LEMD1: variants seen among roughly 807,000 people sequenced by gnomAD.
The protein encoded by LEMD1 is LEM domain containing 1.
A neutral mutation model predicts 17.4 loss-of-function variants in LEMD1; 18 were observed. That is an observed-to-expected ratio of 1.04 (90% CI 0.72 to 1.54). The LOEUF (loss-of-function observed/expected upper bound fraction) is 1.54, where lower values mean the gene tolerates loss of function less well. Ranked by LOEUF, LEMD1 falls within the 40% of genes most tolerant of loss-of-function variation. LEMD1 has a pLI of 0.00. For synonymous variants in LEMD1, 88 were observed against 77.8 expected, an observed-to-expected ratio of 1.13 and a Z score of -0.69; for missense variants, 195 against 210.4, an observed-to-expected ratio of 0.93 and a Z score of 0.45.
intron 4 of LEMD1, among the ~76,000 whole-genome samples, chr1:205,414,484 G>C (rs1275045227): frequency 6.6e-6 from 1 of 151,854 alleles, no homozygotes; most frequent in Non-Finnish European, 1.5e-5. Flanking sequence ...GAGTGTAGTG[G>C]TGTGATCATG....
At chr1:205,409,338 T>A (rs1665275282) in intron 4 of LEMD1, among the ~76,000 whole-genome samples, 1 of 152,240 alleles carries the variant, frequency 6.6e-6, no homozygotes, top group Admixed American at 6.5e-5. Context: ...TATGTTGTGT[T>A]GTACTACAGG....
intron 1 of LEMD1, among the ~76,000 whole-genome samples, chr1:205,443,030 A>C (rs1398361859): frequency 6.6e-6 from 1 of 152,184 alleles, no homozygotes; most frequent in African/African-American, 2.4e-5. Flanking sequence ...CTGGAATCCT[A>C]ACTTGATCCG....
intron 1 of LEMD1, among the ~76,000 whole-genome samples, chr1:205,430,989 C>T (rs1170390152): frequency 6.6e-6 from 1 of 152,200 alleles, no homozygotes; most frequent in Non-Finnish European, 1.5e-5. Flanking sequence ...GATGGGAGAG[C>T]GCCGTCTGCA....
intron 1 of LEMD1, among the ~76,000 whole-genome samples, chr1:205,431,189 CTAATT>C (rs1666121346): frequency 1.3e-5 from 2 of 152,326 alleles, no homozygotes; most frequent in Middle Eastern, 3.4e-3. Flanking sequence ...CACAAGTGAA[CTAATT>C]TAATCATTCC....
chr1:205,437,849 C>G (rs1160715134), intron 1 of LEMD1: 1 of 152,232 alleles, frequency 6.6e-6, no homozygotes, highest in African/African-American at 2.4e-5. Context: ...GCCAGGAGAC[C>G]TGGCTCCCAG....
At position 205,444,395 on chromosome 1, in the gene LEMD1, G is replaced by C. The variant is rs529815954; in HGVS notation, c.-39+5473C>G. ...ATGCCCTGCCCAGCCAGCTTTGTGG[G>C]AGCCAAGCAGAAGAGATGCCAATCC... On this transcript the variant is annotated intron_variant, in intron 1 of 3. Transcript: ENST00000367154. Among the ~76,000 whole-genome samples, 3 of 152,088 alleles carry C rather than the reference G, an allele frequency of 2.0e-5. No homozygotes were observed. The South Asian group carries it at 6.2e-4, about 32-fold the overall frequency.
chr1:205,423,661 T>C (rs1036373882), upstream of LEMD1, among the ~76,000 whole-genome samples: 26 of 152,248 alleles, frequency 1.7e-4, no homozygotes, highest in African/African-American at 5.5e-4. Context: ...TATGATTCTA[T>C]TGTCAGCATT....
chr1:205,419,247 T>C lies in LEMD1; in HGVS notation c.188A>G (p.Asp63Gly). The change falls in exon 3 of 6, where the codon GAC (aspartate) becomes GGC (glycine). Residue 63 changes from aspartate (D) to glycine (G), a missense_variant. By Grantham distance (94) the Asp-to-Gly change is moderately conservative. Transcript: ENST00000367153. ...GGCGGTACCTTCGCTGTCATCACTG[T>C]CCTGCGCTCCATCCAGCTCTCTGGG... Reference protein sequence around the residue: ...NGPRELDGAQDSDDSEELNII... With the variant: ...NGPRELDGAQGSDDSEELNII... The C allele has an allele frequency of 6.2e-7, 1 of 1,614,224 alleles. No individual in the cohort carries two copies. The highest frequency in any genetic ancestry group is 8.5e-7 in the Non-Finnish European group (1 of 1,180,026).
chr1:205,433,674 C>T (rs1666161577), intron 1 of LEMD1, among the ~76,000 whole-genome samples: 1 of 152,168 alleles, frequency 6.6e-6, no homozygotes, highest in Non-Finnish European at 1.5e-5. Flanking sequence ...CTGGGGCAGG[C>T]ATCTTGGCGG....
intron 2 of LEMD1, among the ~76,000 whole-genome samples, chr1:205,420,244 G>T (rs1437594899): frequency 3.3e-5 from 5 of 152,160 alleles, no homozygotes; most frequent in African/African-American, 1.2e-4. Context: ...CTTGAATCTG[G>T]GAGGCAGAGG....
At chr1:205,384,554 A>G (rs1226318550) in intron 4 of LEMD1, among the ~76,000 whole-genome samples, 190 bp from the exon 5 acceptor site, 1 of 152,210 alleles carries the variant, frequency 6.6e-6, no homozygotes, top group Non-Finnish European at 1.5e-5. Flanking sequence ...AGTTCCATGG[A>G]GTAATATTTT....
upstream of LEMD1, among the ~76,000 whole-genome samples, chr1:205,422,456 G>C (rs1665990023): frequency 6.6e-6 from 1 of 152,160 alleles, no homozygotes; most frequent in Non-Finnish European, 1.5e-5. Flanking sequence ...ATTTGTTAAG[G>C]ATTATTCAAT....
At chr1:205,397,013 A>G (rs1664620745) in intron 4 of LEMD1, among the ~76,000 whole-genome samples, 1 of 152,180 alleles carries the variant, frequency 6.6e-6, no homozygotes, top group Non-Finnish European at 1.5e-5. Flanking sequence ...CCAGCTACCA[A>G]TCTGCATATG....
At chr1:205,386,428 C>G (rs541516122) in intron 4 of LEMD1, 1 of 152,116 alleles carries the variant, frequency 6.6e-6, no homozygotes, top group African/African-American at 2.4e-5. Context: ...CTCAGCCTCT[C>G]GAGTAGCTGG....
chr1:205,420,506 TAC>T lies in LEMD1; in HGVS notation c.29_30del (p.Cys10Ter). On this transcript the variant is annotated frameshift_variant, in exon 2 of 6. Coordinates refer to ENST00000367153, the MANE Select transcript of LEMD1 (RefSeq NM_001199050.2). LOFTEE classifies it high-confidence loss of function. MVDVKCLSD[C>X]KLQNQLEKLG... ...AGCTTCTCAAGTTGGTTCTGCAATT[TAC>T]AGTCACTCAGACACTTCACATCCAC... The T allele has an allele frequency of 6.2e-7, 1 of 1,614,128 alleles. No homozygotes were observed. The highest frequency in any genetic ancestry group is 8.5e-7 in the Non-Finnish European group (1 of 1,179,972).
rs183594571 is a variant in LEMD1, at chr1:205,427,673, A to G, written c.-38-7099T>C. Among the ~76,000 whole-genome samples the G allele has an allele frequency of 7.8e-4, 119 of 152,312 alleles. 1 individual carries two copies. The highest frequency in any genetic ancestry group is 3.9e-3 in the South Asian group (19 of 4,826). The stretch of plus-strand genomic sequence containing the variant: ...TAGAATCCAGGAGTGTTGAATTCCC[A>G]TGGCTTAAAGGAGACTCTGTACCAG... On this transcript the variant is annotated intron_variant, in intron 1 of 3. Transcript: ENST00000367154.
At chr1:205,446,814 T>C (rs1010784940) in intron 1 of LEMD1, among the ~76,000 whole-genome samples, 3 of 152,154 alleles carry the variant, frequency 2.0e-5, no homozygotes, top group Non-Finnish European at 4.4e-5. Context: ...CCAATTCTCA[T>C]GCCTTGTTCC....
At chr1:205,442,779 C>A (rs1393456634) in intron 1 of LEMD1, among the ~76,000 whole-genome samples, 3 of 152,174 alleles carry the variant, frequency 2.0e-5, no homozygotes, top group Non-Finnish European at 4.4e-5. Flanking sequence ...AGCCAAGACA[C>A]AACTACTATA....
chr1:205,405,247 C>G (rs1199229421), intron 4 of LEMD1, among the ~76,000 whole-genome samples: 1 of 148,714 alleles, frequency 6.7e-6, no homozygotes, highest in South Asian at 2.1e-4. Context: ...TGAATGTTGG[C>G]CTGCCTTGCT....
Sources: allele counts gnomAD v4.1 joint callset (sites outside exome capture counted in the v4.1 genomes callset), GRCh38; gene constraint gnomAD v4.1.1; transcripts MANE v1.5; gene names NCBI Gene and HGNC (gene_info 2026-07-23, HGNC 2026-07-21).